CAMTA1: variants seen among roughly 807,000 people sequenced by gnomAD.
CAMTA1 encodes the protein calmodulin binding transcription activator 1.
CAMTA1 carries 27 observed loss-of-function variants against 170.9 expected under a neutral mutation model. That is an observed-to-expected ratio of 0.16 (90% CI 0.12 to 0.22). The LOEUF is 0.22. Ranked by LOEUF, CAMTA1 falls within the 10% of genes least tolerant of loss-of-function variation. The probability of loss-of-function intolerance (pLI) is 1.00; values close to 1 mark genes in which losing one functional copy is unlikely to be tolerated. For synonymous variants in CAMTA1, 833 were observed against 891.5 expected, an observed-to-expected ratio of 0.93 and a Z score of 1.17; for missense variants, 1,619 against 2,217.2, an observed-to-expected ratio of 0.73 and a Z score of 5.42.
In CAMTA1 at chr1:7,663,369, G is replaced by A; in HGVS notation, c.822G>A (p.Val274=). The A allele has an allele frequency of 6.5e-7, 1 of 1,527,044 alleles. No individual in the cohort carries two copies. Among genetic ancestry groups the A allele is most frequent in the Non-Finnish European group, 8.8e-7 (1 of 1,135,124 alleles). 94.6% of individuals were successfully genotyped at this position (1,527,044 alleles called of 1,614,324 possible). Residue 274 remains valine, a synonymous_variant, in exon 9 of 23, where the codon GTG becomes GTA. Transcript: ENST00000303635. ...TCTCCGCAGGAGCTGGCGGCAGCGT[G>A]CATCACAAGTGTAACAGCGCCAAAC... ...CTGSLGAGGS[V]HHKCNSAKHR... is the part of the protein sequence containing the mutation.
chr1:7,564,336 C>T (rs1359652860), intron 6 of CAMTA1, among the ~76,000 whole-genome samples: 2 of 152,220 alleles, frequency 1.3e-5, no homozygotes, highest in Non-Finnish European at 2.9e-5. Context: ...TCTGGATTAT[C>T]GCTACTGATG....
At chr1:7,386,104 A>G (rs2087939207) in intron 5 of CAMTA1, among the ~76,000 whole-genome samples, 1 of 152,242 alleles carries the variant, frequency 6.6e-6, no homozygotes, top group Non-Finnish European at 1.5e-5. Flanking sequence ...ATTGTCAGGC[A>G]GAGACACATG....
At chr1:7,245,191 A>ATG (rs976663676) in intron 4 of CAMTA1, among the ~76,000 whole-genome samples, 10 of 100,332 alleles carry the variant, frequency 1.0e-4, no homozygotes, top group African/African-American at 4.4e-4. Flanking sequence ...ATATATATAT[A>ATG]TGTGTGTGTG....
At chr1:7,052,549 G>A (rs953328797) in intron 3 of CAMTA1, among the ~76,000 whole-genome samples, 3 of 152,188 alleles carry the variant, frequency 2.0e-5, no homozygotes, top group Non-Finnish European at 2.9e-5. Context: ...CACCCTCCCC[G>A]ACTCAGCTCA....
rs892270594 is a variant in CAMTA1 at position 7,757,223 on chromosome 1, A to G, written c.4989+1555A>G. Among the ~76,000 whole-genome samples, 6 of 152,240 alleles carry G rather than the reference A, an allele frequency of 3.9e-5. 1 individual carries two copies. The highest frequency in any genetic ancestry group is 8.8e-5 in the Non-Finnish European group (6 of 68,042). On this transcript the variant is annotated intron_variant, in intron 22 of 22. Transcript: ENST00000303635. ...TTGGCAAATGTTTTTCTGAAAGGCC[A>G]GATAGTAAATACCTTAAGCTTTGTG... is the stretch of plus-strand genomic sequence containing the variant.
In CAMTA1 at chr1:6,825,161, C is replaced by A. The variant is rs773938997; in HGVS notation, c.185C>A (p.Pro62Gln). The part of the protein sequence containing the change: ...FLPKKLLECL[P>Q]KCSSLPKERH... ...CCGAAAAAGCTGCTTGAATGTCTGC[C>A]GAAATGTTCAAGTTTACCAAAAGAG... The change falls in exon 3 of 23, where the codon CCG becomes CAG. Residue 62 changes from proline to glutamine, a missense_variant. Pro to Gln is a moderately conservative substitution (Grantham distance 76). Coordinates refer to ENST00000303635, the MANE Select transcript of CAMTA1 (RefSeq NM_015215.4). 1 of 1,611,008 alleles carries A rather than the reference C, an allele frequency of 6.2e-7. No individual in the cohort carries two copies. The highest frequency in any genetic ancestry group is 8.5e-7 in the Non-Finnish European group (1 of 1,178,852).
intron 6 of CAMTA1, among the ~76,000 whole-genome samples, chr1:7,480,570 T>A (rs978905700): frequency 4.6e-5 from 7 of 152,118 alleles, no homozygotes; most frequent in Non-Finnish European, 1.0e-4. Context: ...AGAAGGTCAC[T>A]GTGCCATCGT....
chr1:6,868,038 C>G (rs1049156957), intron 3 of CAMTA1, among the ~76,000 whole-genome samples: 2 of 152,114 alleles, frequency 1.3e-5, no homozygotes, highest in Non-Finnish European at 2.9e-5. Flanking sequence ...CTTCTGGGCT[C>G]AAGTGATCCT....
chr1:7,417,004 C>T (rs963158063), intron 5 of CAMTA1, among the ~76,000 whole-genome samples: 24 of 142,122 alleles, frequency 1.7e-4, no homozygotes, highest in Non-Finnish European at 2.9e-4. Flanking sequence ...GCAGGTCTGT[C>T]GGAGTTTGCT....
At chr1:6,899,953 T>C (rs531750191) in intron 3 of CAMTA1, among the ~76,000 whole-genome samples, 16 of 152,372 alleles carry the variant, frequency 1.1e-4, no homozygotes, top group Non-Finnish European at 2.2e-4. Flanking sequence ...TGTGCGTGTT[T>C]GTTGCTGTTG....
chr1:7,384,896 C>T (rs1457366172), intron 5 of CAMTA1, among the ~76,000 whole-genome samples: 1 of 152,036 alleles, frequency 6.6e-6, no homozygotes, highest in African/African-American at 2.4e-5. Context: ...TACCCGTCAG[C>T]GCCACTGCCC....
intron 5 of CAMTA1, among the ~76,000 whole-genome samples, chr1:7,398,878 G>A (rs1042130053): frequency 1.5e-4 from 23 of 151,984 alleles, no homozygotes; most frequent in Admixed American, 1.3e-3. Flanking sequence ...ACTATTTTAA[G>A]TTGATAATAA....
intron 3 of CAMTA1, among the ~76,000 whole-genome samples, chr1:7,054,005 A>G (rs1049646105): frequency 1.3e-5 from 2 of 152,144 alleles, no homozygotes; most frequent in African/African-American, 4.8e-5. Context: ...TCTGCTGCAC[A>G]TGTGTCCTGG....
rs74051074 is a variant in CAMTA1, at chr1:6,979,863, C to T, written c.235-111441C>T. ...ATGGTGGTGTAGCTGGGGGAGAGGACCCCCGGCGTGTGCAACACTGTCCCC... is the reference window on the plus strand; with the variant it reads ...ATGGTGGTGTAGCTGGGGGAGAGGATCCCCGGCGTGTGCAACACTGTCCCC... On this transcript the variant is annotated intron_variant, in intron 3 of 22. Transcript: ENST00000303635. Among the ~76,000 whole-genome samples the T allele has an allele frequency of 8.0e-3, 1,214 of 152,228 alleles. 12 individuals are homozygous for T. Among genetic ancestry groups the T allele is most frequent in the African/African-American group, 0.027 (1,112 of 41,522 alleles).
intron 5 of CAMTA1, among the ~76,000 whole-genome samples, chr1:7,305,257 G>T (rs1675411014): frequency 1.3e-5 from 2 of 151,850 alleles, no homozygotes; most frequent in South Asian, 2.1e-4. Flanking sequence ...AATTATTGTA[G>T]TTTTCTAATA....
chr1:7,712,090 GAA>G (rs770268852), intron 11 of CAMTA1, among the ~76,000 whole-genome samples: 2 of 152,138 alleles, frequency 1.3e-5, no homozygotes, highest in Non-Finnish European at 2.9e-5. Context: ...CAAAACAAGT[GAA>G]AGAGTGAACC....
intron 4 of CAMTA1, among the ~76,000 whole-genome samples, chr1:7,158,117 C>T (rs1043131830): frequency 1.3e-5 from 2 of 152,162 alleles, no homozygotes; most frequent in African/African-American, 2.4e-5. Context: ...CGAGATTGCA[C>T]CACTGCACTC....
chr1:7,418,573 C>A (rs1054234874), intron 5 of CAMTA1, among the ~76,000 whole-genome samples: 1 of 152,188 alleles, frequency 6.6e-6, no homozygotes. Context: ...GCCCCAGATG[C>A]GGATCCCTAG....
At position 7,374,771 on chromosome 1, in the gene CAMTA1, C is replaced by T. The variant is rs1010200681; in HGVS notation, c.439-93059C>T. ...CTCAAGGAACTCTCTGGGCTTCTTA[C>T]CAGCCTCTAGGCCACTCACTATTCA... On this transcript the variant is annotated intron_variant, in intron 5 of 22. Transcript: ENST00000303635. Among the ~76,000 whole-genome samples, 6 of 152,306 alleles carry T rather than the reference C, an allele frequency of 3.9e-5. No homozygotes were observed. In the East Asian group the frequency reaches 7.7e-4, roughly 20 times the overall value.
Sources: gnomAD v4.1 joint callset for allele counts (sites outside exome capture counted in the v4.1 genomes callset) on GRCh38, gnomAD v4.1.1 for gene constraint, MANE v1.5 for transcripts, NCBI Gene and HGNC (gene_info 2026-07-23, HGNC 2026-07-21) for gene names.